The following KDM4A variants were observed in gnomAD, a reference collection of about 807,000 sequenced individuals.
KDM4A encodes lysine demethylase 4A.
Under a neutral mutation model 127.1 loss-of-function variants are expected in KDM4A, and 23 were observed. That is an observed-to-expected ratio of 0.18 (90% CI 0.13 to 0.26). KDM4A has a LOEUF of 0.26. KDM4A is among the 10% of genes least tolerant of loss of function. KDM4A has a pLI of 1.00. For missense variants in KDM4A, 890 were observed against 1,329.1 expected (o/e 0.67, Z 5.14); for synonymous variants, 443 against 466.5 (o/e 0.95, Z 0.65).
chr1:43,652,679 C>CTTTTTTTTTTTTT (rs771216218), intron 1 of KDM4A, among the ~76,000 whole-genome samples: 1 of 118,766 alleles, frequency 8.4e-6, no homozygotes, highest in African/African-American at 3.1e-5. Flanking sequence ...TTCTTTCTTT[C>CTTTTTTTTTTTTT]TTTTTTTTTT....
intron 11 of KDM4A, among the ~76,000 whole-genome samples, chr1:43,675,174 C>T (rs1001517157): frequency 1.3e-5 from 2 of 152,242 alleles, no homozygotes; most frequent in Admixed American, 1.3e-4. Context: ...ATCCCTCCAC[C>T]TCCAACATGT....
rs1660079141 is a variant in KDM4A at position 43,650,247 on chromosome 1, C to T, written c.-45C>T. 6.9e-6 allele frequency: 1 copy of T among 144,920 alleles called. No homozygotes were observed. The highest frequency in any genetic ancestry group is 2.2e-4 in the South Asian group (1 of 4,462). 9.0% of individuals were successfully genotyped at this position (144,920 alleles called of 1,614,324 possible). ...GCCTAAGCCCTGGCGGGGCTTTGGG[C>T]TGTAGGTGAGAACTATAGGGTTTTG... On this transcript the variant is annotated 5_prime_UTR_variant, in exon 1 of 22. Coordinates refer to ENST00000372396, the MANE Select transcript of KDM4A (RefSeq NM_014663.3).
At chr1:43,678,587 GTT>G (rs35182358) in intron 11 of KDM4A, among the ~76,000 whole-genome samples, 61 of 134,456 alleles carry the variant, frequency 4.5e-4, no homozygotes, top group African/African-American at 1.5e-3. Context: ...CTGCAGATAG[GTT>G]TTTTTTTTTT....
Position 43,694,106 on chromosome 1 carries a change from A to G in KDM4A, c.2484+4A>G. On this transcript the variant is annotated splice_donor_region_variant and intron_variant, in intron 17 of 21. Transcript: ENST00000372396. The surrounding 1 kb of genome is among the most constrained non-coding windows in gnomAD (Gnocchi z 5.2). ...CCCCCTGCCCCGCTTCAAACTGGTA[A>G]GGGCTTGTAGACTCTACATAATTTC... The G allele has an allele frequency of 1.2e-6, 2 of 1,607,228 alleles. No individual in the cohort carries two copies. The highest frequency in any genetic ancestry group is 1.7e-6 in the Non-Finnish European group (2 of 1,173,796).
At chr1:43,667,344 G>A (rs750016485) in intron 8 of KDM4A, among the ~76,000 whole-genome samples, 2 of 152,186 alleles carry the variant, frequency 1.3e-5, no homozygotes, top group African/African-American at 4.8e-5. Flanking sequence ...TAATACTCTT[G>A]TTTATCCATT....
intron 5 of KDM4A, among the ~76,000 whole-genome samples, chr1:43,663,409 T>G (rs1299779837): frequency 6.6e-6 from 1 of 152,110 alleles, no homozygotes; most frequent in African/African-American, 2.4e-5. Flanking sequence ...GCAGCAGACT[T>G]CCAAGACTAG....
intron 19 of KDM4A, chr1:43,702,358 T>G (rs1266342030): frequency 1.3e-5 from 2 of 152,226 alleles, no homozygotes; most frequent in Non-Finnish European, 2.9e-5. Flanking sequence ...TATGCCTAAT[T>G]GTTAGATTGA....
Position 43,704,795 on chromosome 1 carries a change from G to A in KDM4A, c.*425G>A, listed in dbSNP as rs1305127374. ...TGTGTGTGTGTGTGTGCGTGCGTGCGTGCGTGCGTGTATGTTTGGTCTGGA... is the reference window on the plus strand; with the variant it reads ...TGTGTGTGTGTGTGTGCGTGCGTGCATGCGTGCGTGTATGTTTGGTCTGGA... On this transcript the variant is annotated 3_prime_UTR_variant, in exon 22 of 22. Coordinates refer to ENST00000372396, the MANE Select transcript of KDM4A (RefSeq NM_014663.3). 2.3e-5 allele frequency: 4 copies of A among 175,824 alleles called. No homozygotes were observed. Among genetic ancestry groups the A allele is most frequent in the East Asian group, 3.4e-4 (2 of 5,828 alleles). 10.9% of individuals were successfully genotyped at this position (175,824 alleles called of 1,614,324 possible). A position where few individuals can be genotyped will look rare whatever the true frequency, so the allele number is the denominator to read the frequency against.
At chr1:43,698,224 G>A (rs1470726880) in intron 19 of KDM4A, among the ~76,000 whole-genome samples, 1 of 152,198 alleles carries the variant, frequency 6.6e-6, no homozygotes, top group Admixed American at 6.5e-5. Flanking sequence ...AGAAGTACCT[G>A]GGAATCAGTA....
At chr1:43,692,404 T>G in intron 16 of KDM4A, 93 bp downstream of exon 16, 1 of 1,087,000 alleles carries the variant, frequency 9.2e-7, no homozygotes, top group Non-Finnish European at 1.4e-6. Context: ...TCTGAATGAC[T>G]GATGAGGATT....
intron 18 of KDM4A, among the ~76,000 whole-genome samples, chr1:43,696,682 G>A (rs1235603625): frequency 1.3e-5 from 2 of 152,196 alleles, no homozygotes; most frequent in Non-Finnish European, 2.9e-5. Flanking sequence ...GTAGTACTGA[G>A]TCACAGCTAT....
At chr1:43,698,243 A>T (rs992290752) in intron 19 of KDM4A, among the ~76,000 whole-genome samples, 1 of 152,218 alleles carries the variant, frequency 6.6e-6, no homozygotes, top group Admixed American at 6.5e-5. Context: ...TATTTTCTGC[A>T]ATTCCTTGAA....
In KDM4A at chr1:43,669,229, G is replaced by A. The variant is rs144871235; in HGVS notation, c.1293G>A (p.Pro431=). 2.4e-5 allele frequency: 39 copies of A among 1,614,210 alleles called. No individual in the cohort carries two copies. In the African/African-American group the frequency reaches 4.0e-4, roughly 17 times the overall value. The change falls in exon 10 of 22, where the codon CCG becomes CCA. Residue 431 remains proline (P), a synonymous_variant. Transcript: ENST00000372396. The part of the protein sequence containing the change: ...SSEQYEMTEC[P]AALAPVRPTH... ...AGCAGTATGAGATGACGGAGTGCCC[G>A]GCAGCCCTCGCCCCTGTGAGGCCCA... is the stretch of plus-strand genomic sequence containing the variant.
chr1:43,683,947 C>A, intron 12 of KDM4A, 143 bp downstream of exon 12: 1 of 903,254 alleles, frequency 1.1e-6, no homozygotes. Flanking sequence ...AAGAGAGGAC[C>A]GGATTTCCTT....
At chr1:43,664,959 C>T (rs960946142) in intron 5 of KDM4A, among the ~76,000 whole-genome samples, 1 of 151,920 alleles carries the variant, frequency 6.6e-6, no homozygotes, top group Non-Finnish European at 1.5e-5. Context: ...AAGCTGTTTG[C>T]AGTGGGAGGA....
intron 16 of KDM4A, 99 bp downstream of exon 16, chr1:43,692,410 G>T: frequency 9.6e-7 from 1 of 1,042,840 alleles, no homozygotes; most frequent in Non-Finnish European, 1.4e-6. Context: ...TGACTGATGA[G>T]GATTTGGGAA....
intron 18 of KDM4A, among the ~76,000 whole-genome samples, chr1:43,696,825 T>C (rs1661252237): frequency 6.6e-6 from 1 of 152,208 alleles, no homozygotes. Context: ...TAGTAGTTTT[T>C]TCACTGATTT....
Position 43,659,469 on chromosome 1 carries a change from C to T in KDM4A, c.315-829C>T, listed in dbSNP as rs181208400. 7.0e-4 allele frequency among the ~76,000 whole-genome samples: 107 copies of T among 152,222 alleles called. 2 individuals carry two copies. The East Asian group carries it at 0.019, about 27-fold the overall frequency. On this transcript the variant is annotated intron_variant, in intron 3 of 21. Transcript: ENST00000372396. ...AAATAGCTGGGATTACAGGCGTGTG[C>T]CACCACGCCCCTCTAATTTTTGTAT...
At position 43,704,009 on chromosome 1, in the gene KDM4A, T is replaced by G. The variant is rs1179084153; in HGVS notation, c.2962-11T>G. ...GATATCCTAGCCAAAAGGCCTTTGT[T>G]TCCTTGGTAGGTGGAGTTTGAGGAT... On this transcript the variant is annotated splice_polypyrimidine_tract_variant and intron_variant, in intron 20 of 21. Coordinates refer to ENST00000372396, the MANE Select transcript of KDM4A (RefSeq NM_014663.3). 1.2e-6 allele frequency: 2 copies of G among 1,613,012 alleles called. No homozygotes were observed.
Sources: allele counts gnomAD v4.1 joint callset (sites outside exome capture counted in the v4.1 genomes callset), GRCh38; gene constraint gnomAD v4.1.1; non-coding constraint Gnocchi (gnomAD v3.1); transcripts MANE v1.5; gene names NCBI Gene and HGNC (gene_info 2026-07-23, HGNC 2026-07-21).